The following FRMPD1 variants were observed in gnomAD, a reference collection of about 807,000 sequenced individuals.
The protein encoded by FRMPD1 is FERM and PDZ domain containing 1, also known as FERM and PDZ domain-containing protein 1.
FRMPD1 carries 76 observed loss-of-function variants against 117.8 expected under a neutral mutation model. The ratio of observed to expected loss-of-function variants is 0.65; its 90% CI spans 0.54 to 0.78. FRMPD1 has a LOEUF of 0.78. FRMPD1 is among the 30% of genes least tolerant of loss of function. FRMPD1 has a pLI of 0.00. For missense variants in FRMPD1, 1,786 were observed against 1,964.5 expected (o/e 0.91, Z 1.72); for synonymous variants, 783 against 770.4 (o/e 1.02, Z -0.27).
At position 37,740,655 on chromosome 9, in the gene FRMPD1, G is replaced by A. The variant is rs199936196; in HGVS notation, c.2127G>A (p.Leu709=). The change falls in exon 15 of 16, where the codon CTG becomes CTA. Residue 709 remains leucine, a synonymous_variant. Coordinates refer to ENST00000377765, the MANE Select transcript of FRMPD1 (RefSeq NM_014907.3). This position sits in a 1 kb window ranked among gnomAD's most constrained non-coding sequence, Gnocchi z 4.2. The part of the protein sequence containing the change: ...YEGSHADYYS[L]CSSVSPASYL... ...GCAGCCACGCTGACTACTACAGCCT[G>A]TGTTCCAGTGTCTCCCCGGCCAGCT... 5.6e-6 allele frequency: 9 copies of A among 1,614,068 alleles called. No homozygotes were observed. The highest frequency in any genetic ancestry group is 7.6e-6 in the Non-Finnish European group (9 of 1,180,028).
At chr9:37,662,956 A>C (rs1012554924) in intron 1 of FRMPD1, among the ~76,000 whole-genome samples, 1 of 152,168 alleles carries the variant, frequency 6.6e-6, no homozygotes, top group Non-Finnish European at 1.5e-5. Context: ...TCAGAAGCTC[A>C]TTTTCAAAGA....
chr9:37,638,508 A>T, the FRMPD1 span, among the ~76,000 whole-genome samples: 2 of 152,178 alleles, frequency 1.3e-5, no homozygotes, highest in Admixed American at 6.5e-5. Context: ...GATTTTCAGG[A>T]ACTGATCCCA....
chr9:37,719,102 A>C lies in FRMPD1; in HGVS notation c.442A>C (p.Lys148Gln), dbSNP rs1247627780. ...VPKSSFLTEEKRARLKTNPVK... is the reference protein window; with the variant it reads ...VPKSSFLTEEQRARLKTNPVK... The stretch of plus-strand genomic sequence containing the variant: ...TAAATCGTCCTTCCTGACCGAGGAG[A>C]AGAGAGCCAGACTGAAGACCAACCC... The change falls in exon 6 of 16, where the codon AAG (lysine) becomes CAG (glutamine). Residue 148 changes from lysine to glutamine, a missense_variant. By Grantham distance (53) the Lys-to-Gln change is moderately conservative. Coordinates refer to ENST00000377765, the MANE Select transcript of FRMPD1 (RefSeq NM_014907.3). The C allele has an allele frequency of 4.3e-6, 7 of 1,613,244 alleles. No homozygotes were observed. The highest frequency in any genetic ancestry group is 4.2e-6 in the Non-Finnish European group (5 of 1,179,334).
At chr9:37,693,031 C>A in intron 2 of FRMPD1, 1 of 471,616 alleles carries the variant, frequency 2.1e-6, no homozygotes. Flanking sequence ...TACACTCATA[C>A]ATACTCATAC....
intron 1 of FRMPD1, among the ~76,000 whole-genome samples, chr9:37,655,468 A>AC (rs1425575629): frequency 2.3e-5 from 2 of 88,184 alleles, no homozygotes; most frequent in Middle Eastern, 8.6e-3. Context: ...TTTCTCTCAC[A>AC]CCCCCTCCTC....
At chr9:37,637,360 G>A in the FRMPD1 span, 4 of 767,754 alleles carry the variant, frequency 5.2e-6, no homozygotes, top group Non-Finnish European at 9.2e-6. Context: ...CCAAGATGGT[G>A]GCCGCCGATG....
chr9:37,737,042 T>C lies in FRMPD1; in HGVS notation c.1402-54T>C, dbSNP rs542265177. ...GTCCCACATGGCTTTGTTGTCAGTC[T>C]TCAGACTGTCCCTTGGTCCTTGATA... On this transcript the variant is annotated intron_variant, in intron 13 of 15. Coordinates refer to ENST00000377765, the MANE Select transcript of FRMPD1 (RefSeq NM_014907.3). 1.1e-3 allele frequency: 1,648 copies of C among 1,462,284 alleles called. 2 individuals are homozygous for C. The highest frequency in any genetic ancestry group is 1.5e-3 in the Non-Finnish European group (1,538 of 1,047,782). 90.6% of individuals were successfully genotyped at this position (1,462,284 alleles called of 1,614,324 possible).
rs1035609658 is a variant in FRMPD1 at position 37,741,041 on chromosome 9, T to A, written c.2356+157T>A. On this transcript the variant is annotated intron_variant, in intron 15 of 15. Coordinates refer to ENST00000377765, the MANE Select transcript of FRMPD1 (RefSeq NM_014907.3). ...TAGATACAGATTCCATGGACCAAAT[T>A]TTAGGCATCGTGGCAGGCCTGCAAG... 5 of 630,244 alleles carry A rather than the reference T, an allele frequency of 7.9e-6. No individual in the cohort carries two copies. The Middle Eastern group carries it at 1.5e-3, about 195-fold the overall frequency. The allele number at this position is 630,244 out of a possible 1,614,324, so 39.0% of individuals were successfully genotyped here. A position where few individuals can be genotyped will look rare whatever the true frequency, so the allele number is the denominator to read the frequency against.
the FRMPD1 span, among the ~76,000 whole-genome samples, chr9:37,637,567 A>G: frequency 6.6e-6 from 1 of 152,084 alleles, no homozygotes; most frequent in African/African-American, 2.4e-5. Context: ...AGCAAGCACT[A>G]ATCTGTTTTC....
chr9:37,671,778 C>G (rs1437723005), intron 1 of FRMPD1, among the ~76,000 whole-genome samples: 1 of 152,126 alleles, frequency 6.6e-6, no homozygotes, highest in African/African-American at 2.4e-5. Context: ...CCAACTTGGT[C>G]AACGTGATGA....
intron 1 of FRMPD1, chr9:37,668,485 T>C (rs573690765): frequency 6.6e-6 from 1 of 152,350 alleles, no homozygotes; most frequent in East Asian, 1.9e-4. Context: ...AAAATAGCTG[T>C]GTGCTGGGAG....
At chr9:37,735,454 A>G in intron 12 of FRMPD1, 98 bp from the exon 13 acceptor site, 1 of 869,752 alleles carries the variant, frequency 1.1e-6, no homozygotes, top group Non-Finnish European at 1.9e-6. Context: ...CCAAAGTAGG[A>G]ATCAAGGAGT....
In FRMPD1 at chr9:37,740,545, G is replaced by C. The variant is rs772026868; in HGVS notation, c.2017G>C (p.Glu673Gln). Residue 673 changes from glutamate (E) to glutamine (Q), a missense_variant, in exon 15 of 16, where the codon GAG becomes CAG. Physicochemically the swap from Glu to Gln is conservative, Grantham distance 29. Transcript: ENST00000377765. This position sits in a 1 kb window ranked among gnomAD's most constrained non-coding sequence, Gnocchi z 4.2. The stretch of plus-strand genomic sequence containing the variant: ...AGCCAACCCCCAGTGCCAGAAGACA[G>C]AGTTTTCCGAGAGTGCTGCTTTGGA... ...QRANPQCQKT[E>Q]FSESAALETF... 1.8e-5 allele frequency: 29 copies of C among 1,614,118 alleles called. No individual in the cohort carries two copies. Among genetic ancestry groups the C allele is most frequent in the Non-Finnish European group, 2.4e-5 (28 of 1,180,054 alleles).
intron 1 of FRMPD1, among the ~76,000 whole-genome samples, chr9:37,672,811 C>G (rs1430634680): frequency 6.6e-6 from 1 of 152,062 alleles, no homozygotes; most frequent in Non-Finnish European, 1.5e-5. Flanking sequence ...AGTGGAAGCC[C>G]CCAATAAACC....
At chr9:37,696,900 C>G (rs1234172826) in intron 2 of FRMPD1, among the ~76,000 whole-genome samples, 6 of 152,128 alleles carry the variant, frequency 3.9e-5, no homozygotes, top group Non-Finnish European at 8.8e-5. Flanking sequence ...ATCTGTGGCT[C>G]TAAGTGAGTT....
At chr9:37,681,888 A>G (rs527771473) in intron 1 of FRMPD1, among the ~76,000 whole-genome samples, 123 of 152,352 alleles carry the variant, frequency 8.1e-4, no homozygotes, top group Middle Eastern at 3.4e-3. Context: ...ACGAAGTTAG[A>G]AAACACAAGA....
intron 2 of FRMPD1, among the ~76,000 whole-genome samples, chr9:37,697,015 A>G (rs938508018): frequency 6.6e-6 from 1 of 152,226 alleles, no homozygotes; most frequent in Non-Finnish European, 1.5e-5. Context: ...TTTATAGAGA[A>G]TCTTAAACAG....
In FRMPD1 at chr9:37,744,680, C is replaced by T. The variant is rs1220291959; in HGVS notation, c.2648C>T (p.Thr883Ile). The change falls in exon 16 of 16, where the codon ACT becomes ATT. Residue 883 changes from threonine (T) to isoleucine (I), a missense_variant. By Grantham distance (89) the Thr-to-Ile change is moderately conservative. Coordinates refer to ENST00000377765, the MANE Select transcript of FRMPD1 (RefSeq NM_014907.3). ...PYLALGAPSPTVSSLQDMQGE... is the reference protein window; with the variant it reads ...PYLALGAPSPIVSSLQDMQGE... ...CTGGCCCTTGGTGCACCCTCCCCAACTGTGTCCTCTCTGCAGGACATGCAG... is the reference window on the plus strand; with the variant it reads ...CTGGCCCTTGGTGCACCCTCCCCAATTGTGTCCTCTCTGCAGGACATGCAG... The T allele has an allele frequency of 1.9e-6, 3 of 1,613,988 alleles. No individual in the cohort carries two copies. Among genetic ancestry groups the T allele is most frequent in the Admixed American group, 1.7e-5 (1 of 59,994 alleles).
intron 15 of FRMPD1, among the ~76,000 whole-genome samples, chr9:37,741,721 C>T (rs1824432740): frequency 6.6e-6 from 1 of 152,198 alleles, no homozygotes; most frequent in African/African-American, 2.4e-5. Context: ...CTCTGCCTGT[C>T]TCTCTCCCTC....
Sources: gnomAD v4.1 joint callset for allele counts (sites outside exome capture counted in the v4.1 genomes callset) on GRCh38, gnomAD v4.1.1 for gene constraint, Gnocchi (gnomAD v3.1) non-coding constraint, MANE v1.5 for transcripts, NCBI Gene and HGNC (gene_info 2026-07-23, HGNC 2026-07-21) for gene names.